Variants in NBN observed in about 807,000 individuals in gnomAD.
The protein encoded by NBN is nibrin.
A neutral mutation model predicts 90.8 loss-of-function variants in NBN; 88 were observed. That is an observed-to-expected ratio of 0.97 (90% CI 0.82 to 1.16). NBN has a LOEUF of 1.16. Ranked by LOEUF, NBN falls within the 50% of genes most tolerant of loss-of-function variation. The pLI, the probability that NBN is intolerant of heterozygous loss-of-function variation, is 0.00. For missense variants in NBN, 894 were observed against 869.6 expected, an observed-to-expected ratio of 1.03 and a Z score of -0.35; for synonymous variants, 328 against 295.1, an observed-to-expected ratio of 1.11 and a Z score of -1.14.
At chr8:89,959,807 GTTAT>G (rs1400726909) in intron 8 of NBN, among the ~76,000 whole-genome samples, 1 of 152,224 alleles carries the variant, frequency 6.6e-6, no homozygotes, top group Non-Finnish European at 1.5e-5. Flanking sequence ...CCTGTGTCAA[GTTAT>G]TTAACTTCTC....
chr8:89,946,371 A>G, intron 12 of NBN, 76 bp from the exon 13 acceptor site: 2 of 1,373,676 alleles, frequency 1.5e-6, no homozygotes, highest in South Asian at 1.2e-5. Context: ...TTGGGAATCT[A>G]TAGAAAAAAG....
chr8:89,984,493 A>G, intron 1 of NBN, 32 bp downstream of exon 1: 1 of 1,601,778 alleles, frequency 6.2e-7, no homozygotes, highest in Non-Finnish European at 8.6e-7. Context: ...CTACCGGGAA[A>G]ATAGGCCCCG....
At position 89,971,183 on chromosome 8, in the gene NBN, T is replaced by C. The variant is rs1309274168; in HGVS notation, c.692A>G (p.Asn231Ser). The C allele has an allele frequency of 2.5e-6, 4 of 1,612,576 alleles. No homozygotes were observed. Among genetic ancestry groups the C allele is most frequent in the Non-Finnish European group, 3.4e-6 (4 of 1,179,150 alleles). Residue 231 changes from asparagine (N) to serine (S), a missense_variant, in exon 6 of 16, where the codon AAT (asparagine) becomes AGT (serine). Coordinates refer to ENST00000265433, the MANE Select transcript of NBN (RefSeq NM_002485.5). ...TTATAACATAATTACCTGTTTGGCA[T>C]TCAAAAATATAAATGTTTTCCCTTT... ...IFKGKTFIFL[N>S]AKQHKKLSSA...
At chr8:89,961,909 G>C (rs1484092332) in intron 8 of NBN, among the ~76,000 whole-genome samples, 3 of 152,158 alleles carry the variant, frequency 2.0e-5, no homozygotes. Context: ...AGGATGTAGA[G>C]GGTTCAAACA....
chr8:89,974,149 T>C (rs1445602118), intron 5 of NBN, among the ~76,000 whole-genome samples: 2 of 151,984 alleles, frequency 1.3e-5, no homozygotes, highest in Non-Finnish European at 2.9e-5. Context: ...AGAAACTGTA[T>C]CCCAAGCCAC....
chr8:89,937,925 G>A (rs1038753208), intron 14 of NBN, among the ~76,000 whole-genome samples: 5 of 152,126 alleles, frequency 3.3e-5, no homozygotes, highest in African/African-American at 1.2e-4. Flanking sequence ...CTCTGCCAAG[G>A]AAGTTAATTC....
At chr8:89,980,934 GT>G in intron 3 of NBN, 41 bp from the exon 4 acceptor site, 9 of 1,588,530 alleles carry the variant, frequency 5.7e-6, no homozygotes, top group Non-Finnish European at 7.7e-6. Context: ...TAGTATCAGA[GT>G]TGCAGAGATG....
At chr8:89,957,219 C>T (rs1047781088) in intron 9 of NBN, among the ~76,000 whole-genome samples, 2 of 152,182 alleles carry the variant, frequency 1.3e-5, no homozygotes. Flanking sequence ...AGAAGACTTT[C>T]CAGTGGGACA....
rs201559159 is a variant in NBN at position 89,970,485 on chromosome 8, C to T, written c.775G>A (p.Glu259Lys). 7 of 1,613,636 alleles carry T rather than the reference C, an allele frequency of 4.3e-6. No individual in the cohort carries two copies. Among genetic ancestry groups the T allele is most frequent in the Non-Finnish European group, 5.9e-6 (7 of 1,179,752 alleles). The change falls in exon 7 of 16, where the codon GAA becomes AAA. Residue 259 changes from glutamate to lysine, a missense_variant. Physicochemically the swap from Glu to Lys is moderately conservative, Grantham distance 56. Coordinates refer to ENST00000265433, the MANE Select transcript of NBN (RefSeq NM_002485.5). ...ARLITEENEE[E>K]HNFFLAPGTC... ...CCCGGAGCCAAAAAGAAATTATGTTCTTCTTCATTCTCTTCTGTTATCAAC... is the reference window on the plus strand; with the variant it reads ...CCCGGAGCCAAAAAGAAATTATGTTTTTCTTCATTCTCTTCTGTTATCAAC...
At chr8:89,949,425 G>A (rs1489576074) in intron 11 of NBN, among the ~76,000 whole-genome samples, 1 of 152,160 alleles carries the variant, frequency 6.6e-6, no homozygotes, top group South Asian at 2.1e-4. Context: ...TGCTTGACTT[G>A]AGAAAGGAGA....
intron 2 of NBN, 123 bp downstream of exon 2, chr8:89,982,599 A>G: frequency 1.1e-6 from 1 of 884,168 alleles, no homozygotes; most frequent in South Asian, 1.4e-5. Flanking sequence ...TAACATTAAA[A>G]AAGTCTACAC....
chr8:89,983,723 G>A (rs1400506169), intron 1 of NBN, among the ~76,000 whole-genome samples: 1 of 152,168 alleles, frequency 6.6e-6, no homozygotes, highest in Non-Finnish European at 1.5e-5. Context: ...GCGGAGTTGA[G>A]TCTGGGAGCA....
At chr8:89,944,118 C>T (rs185525996) in intron 13 of NBN, among the ~76,000 whole-genome samples, 34 of 152,246 alleles carry the variant, frequency 2.2e-4, no homozygotes. Context: ...CAGGGTCTCA[C>T]TCTGTCACCT....
At chr8:89,965,489 AT>A (rs562223469) in intron 7 of NBN, among the ~76,000 whole-genome samples, 335 of 144,642 alleles carry the variant, frequency 2.3e-3, no homozygotes, top group South Asian at 3.3e-3. Flanking sequence ...CATTGTAAAG[AT>A]TTTTTTTTTT....
intron 5 of NBN, among the ~76,000 whole-genome samples, chr8:89,977,441 G>C (rs1284426784): frequency 6.6e-6 from 1 of 152,152 alleles, no homozygotes; most frequent in African/African-American, 2.4e-5. Context: ...TGGTGTATAT[G>C]TGCATAGGTA....
At chr8:89,967,704 G>C (rs1811319627) in intron 7 of NBN, among the ~76,000 whole-genome samples, 1 of 152,168 alleles carries the variant, frequency 6.6e-6, no homozygotes, top group Non-Finnish European at 1.5e-5. Flanking sequence ...AATCAGGGCT[G>C]TATTGTTCCC....
At chr8:89,950,953 A>C (rs955045287) in intron 11 of NBN, among the ~76,000 whole-genome samples, 2 of 152,016 alleles carry the variant, frequency 1.3e-5, no homozygotes, top group Non-Finnish European at 2.9e-5. Flanking sequence ...ACAGACTAAA[A>C]CCACAACCAT....
chr8:89,964,673 G>T, intron 7 of NBN, 166 bp from the exon 8 acceptor site: 1 of 205,058 alleles, frequency 4.9e-6, no homozygotes, highest in Non-Finnish European at 8.6e-6. Context: ...CTGGGGCACT[G>T]TTACGTTGAC....
intron 8 of NBN, 80 bp downstream of exon 8, chr8:89,964,330 G>A: frequency 6.8e-7 from 1 of 1,465,564 alleles, no homozygotes; most frequent in Non-Finnish European, 9.5e-7. Context: ...CCCCTAGCAA[G>A]TATATGAGTA....
Sources: allele counts gnomAD v4.1 joint callset (sites outside exome capture counted in the v4.1 genomes callset), GRCh38; gene constraint gnomAD v4.1.1; transcripts MANE v1.5; gene names NCBI Gene and HGNC (gene_info 2026-07-23, HGNC 2026-07-21).